CAPRIN2: variants seen among roughly 807,000 people sequenced by gnomAD.
CAPRIN2 encodes caprin-2.
CAPRIN2 carries 66 observed loss-of-function variants against 130.4 expected under a neutral mutation model. The ratio of observed to expected loss-of-function variants is 0.51; its 90% confidence interval spans 0.42 to 0.62. The LOEUF (loss-of-function observed/expected upper bound fraction) is 0.62, where lower values mean the gene tolerates loss of function less well. Ranked by LOEUF, CAPRIN2 falls within the 20% of genes least tolerant of loss-of-function variation. The pLI is 0.00. For missense variants in CAPRIN2, 1,185 were observed against 1,246.6 expected (o/e 0.95, Z 0.74); for synonymous variants, 471 against 444.1 (o/e 1.06, Z -0.76).
chr12:30,728,503 A>G, intron 8 of CAPRIN2, 145 bp downstream of exon 9: 1 of 651,092 alleles, frequency 1.5e-6, no homozygotes, highest in East Asian at 2.8e-5. Context: ...TACAGTGAGC[A>G]GAGATAGTGC....
Position 30,710,003 on chromosome 12 carries a change from A to G in CAPRIN2, c.3133T>C (p.Phe1045Leu). Residue 1045 changes from phenylalanine (F) to leucine (L), a missense_variant, in exon 17 of 17, where the codon TTC becomes CTC. Transcript: ENST00000298892. This position sits in a 1 kb window ranked among gnomAD's most constrained non-coding sequence, Gnocchi z 4.8. ...CGTAACCATATCTGGTCTCCCTGGAAGAGCTGAAGAATTGCATGATTGCTA... is the reference window on the plus strand; with the variant it reads ...CGTAACCATATCTGGTCTCCCTGGAGGAGCTGAAGAATTGCATGATTGCTA... The G allele has an allele frequency of 6.2e-7, 1 of 1,614,134 alleles. No individual in the cohort carries two copies.
At chr12:30,752,343 T>C (rs1565726366) in intron 1 of CAPRIN2, among the ~76,000 whole-genome samples, 1 of 152,022 alleles carries the variant, frequency 6.6e-6, no homozygotes, top group Admixed American at 6.6e-5. Context: ...ATTAAAGAGG[T>C]ACTATAGGTA....
chr12:30,738,589 G>A lies in CAPRIN2; in HGVS notation c.570+2431C>T, dbSNP rs188878597. On this transcript the variant is annotated intron_variant, in intron 3 of 16. Transcript: ENST00000298892. ...AATTAAACTTAAGGGCTTTTATGCA[G>A]CAAAAGAAACCATCAACAGAGTAAA... Among the ~76,000 whole-genome samples the A allele has an allele frequency of 4.1e-3, 627 of 152,282 alleles. 9 individuals carry two copies. The highest frequency in any genetic ancestry group is 0.032 in the Admixed American group (495 of 15,288).
At chr12:30,748,374 C>G (rs1028106842) in intron 2 of CAPRIN2, among the ~76,000 whole-genome samples, 2 of 152,238 alleles carry the variant, frequency 1.3e-5, no homozygotes, top group African/African-American at 4.8e-5. Context: ...AGGCAACACC[C>G]TCCTCAACCA....
chr12:30,733,169 C>T (rs1050814524), intron 5 of CAPRIN2, among the ~76,000 whole-genome samples: 1 of 152,026 alleles, frequency 6.6e-6, no homozygotes, highest in African/African-American at 2.4e-5. Flanking sequence ...TTTAGCAAGC[C>T]AAAAGAACTC....
At chr12:30,714,112 C>A (rs1180312806) in intron 14 of CAPRIN2, among the ~76,000 whole-genome samples, 2 of 152,044 alleles carry the variant, frequency 1.3e-5, no homozygotes, top group Non-Finnish European at 2.9e-5. Context: ...CTGCTAAATG[C>A]AAGGTGGGGT....
At chr12:30,728,506 G>A (rs2061590475) in intron 8 of CAPRIN2, 142 bp downstream of exon 9, 2 of 659,690 alleles carry the variant, frequency 3.0e-6, no homozygotes, top group Non-Finnish European at 5.0e-6. Flanking sequence ...AGTGAGCAGA[G>A]ATAGTGCCAC....
chr12:30,712,726 T>C (rs1254541787), intron 15 of CAPRIN2, among the ~76,000 whole-genome samples: 1 of 138,088 alleles, frequency 7.2e-6, no homozygotes, highest in Non-Finnish European at 1.5e-5. Context: ...CCAAGATGTT[T>C]TCCACTCTTT....
At chr12:30,749,483 G>C (rs1335274512) in intron 2 of CAPRIN2, among the ~76,000 whole-genome samples, 1 of 152,200 alleles carries the variant, frequency 6.6e-6, no homozygotes, top group African/African-American at 2.4e-5. Context: ...AAGTAACGCA[G>C]ATGAAAGGTT....
In CAPRIN2 at chr12:30,719,061, T is replaced by C. The variant is rs752835783; in HGVS notation, c.2148+1750A>G. On this transcript the variant is annotated intron_variant, in intron 12 of 16. Coordinates refer to ENST00000298892, the Ensembl canonical transcript of CAPRIN2. ...CAGGAATAATGAACTGCAATCATCA[T>C]TCATGTTTCATACTCACTGTCTGCA... 4 of 1,609,648 alleles carry C rather than the reference T, an allele frequency of 2.5e-6. No individual in the cohort carries two copies. The highest frequency in any genetic ancestry group is 2.7e-5 in the African/African-American group (2 of 74,852).
chr12:30,739,166 A>G (rs979059967), intron 3 of CAPRIN2, among the ~76,000 whole-genome samples: 1 of 152,228 alleles, frequency 6.6e-6, no homozygotes, highest in African/African-American at 2.4e-5. Flanking sequence ...ATGCCCATCA[A>G]TGATAGACCA....
At chr12:30,717,646 C>T (rs2058073725) in intron 12 of CAPRIN2, among the ~76,000 whole-genome samples, 1 of 151,744 alleles carries the variant, frequency 6.6e-6, no homozygotes, top group Non-Finnish European at 1.5e-5. Flanking sequence ...GATTTTACAC[C>T]TAACAGCAAA....
intron 11 of CAPRIN2, among the ~76,000 whole-genome samples, chr12:30,722,627 GCAGTGGCTCA>G (rs1565585159): frequency 6.6e-6 from 1 of 152,196 alleles, no homozygotes; most frequent in Non-Finnish European, 1.5e-5. Flanking sequence ...AAGGCTGAGT[GCAGTGGCTCA>G]CACCTGTAAT....
chr12:30,742,678 A>G (rs1265175432), intron 2 of CAPRIN2, among the ~76,000 whole-genome samples: 1 of 139,044 alleles, frequency 7.2e-6, no homozygotes, highest in Non-Finnish European at 1.6e-5. Flanking sequence ...CAACTCTAAC[A>G]GGGCAGCAAA....
intron 15 of CAPRIN2, among the ~76,000 whole-genome samples, chr12:30,712,733 C>CTTTTTTTTTTTTTTTTTTTTTTTTTTTTT (rs754373140): frequency 9.3e-6 from 1 of 107,290 alleles, no homozygotes; most frequent in Non-Finnish European, 1.8e-5. Context: ...GTTTTCCACT[C>CTTTTTTTTTTTTTTTTTTTTTTTTTTTTT]TTTTTTTTTT....
chr12:30,732,227 A>G (rs936739768), intron 5 of CAPRIN2, among the ~76,000 whole-genome samples: 1 of 152,004 alleles, frequency 6.6e-6, no homozygotes, highest in African/African-American at 2.4e-5. Flanking sequence ...CTACACTACA[A>G]ATAAGTCTAA....
rs779838141 is a variant in CAPRIN2, at chr12:30,728,607, T to C, written c.1782+41A>G. 6.0e-5 allele frequency: 90 copies of C among 1,490,004 alleles called. No homozygotes were observed. In the South Asian group the frequency reaches 1.1e-3, roughly 19 times the overall value. The allele number at this position is 1,490,004 out of a possible 1,614,324, so 92.3% of individuals were successfully genotyped here. ...AGTCATTACCACGACACCTTATTTA[T>C]GCCTACACTTACAGAAGCAGAATGA... On this transcript the variant is annotated intron_variant, in intron 8 of 16. Transcript: ENST00000298892.
chr12:30,735,120 T>C (rs1327330941), exon 4 of CAPRIN2: 1 of 1,614,196 alleles, frequency 6.2e-7, no homozygotes, highest in Admixed American at 1.7e-5. Flanking sequence ...CATACTGAAC[T>C]TGAAGTATAG....
At chr12:30,713,096 G>GT (rs2055832157) in intron 15 of CAPRIN2, among the ~76,000 whole-genome samples, 1 of 152,088 alleles carries the variant, frequency 6.6e-6, no homozygotes, top group Non-Finnish European at 1.5e-5. Context: ...CTATGTAACT[G>GT]TAAGTTCTTC....
Sources: allele counts gnomAD v4.1 joint callset (sites outside exome capture counted in the v4.1 genomes callset), GRCh38; gene constraint gnomAD v4.1.1; non-coding constraint Gnocchi (gnomAD v3.1); transcripts MANE v1.5; gene names NCBI Gene and HGNC (gene_info 2026-07-23, HGNC 2026-07-21).